TNS1: variants seen among roughly 807,000 people sequenced by gnomAD.
TNS1 encodes tensin 1, also known as tensin-1.
A neutral mutation model predicts 168.6 loss-of-function variants in TNS1; 62 were observed. The observed-to-expected ratio is 0.37, with a 90% CI of 0.30 to 0.45. The LOEUF is 0.45. TNS1 is among the 20% of genes least tolerant of loss of function. TNS1 has a pLI of 1.00. For missense variants in TNS1, 2,240 were observed against 2,339.4 expected (o/e 0.96, Z 0.88); for synonymous variants, 934 against 933.2 (o/e 1.00, Z -0.02).
chr2:218,014,555 GTCTA>G (rs1169566664), upstream of TNS1, among the ~76,000 whole-genome samples: 1 of 152,200 alleles, frequency 6.6e-6, no homozygotes, highest in Non-Finnish European at 1.5e-5. Context: ...CTCTGCAGGA[GTCTA>G]TCTAATATGG....
intron 4 of TNS1, among the ~76,000 whole-genome samples, chr2:217,918,078 G>A (rs957363033): frequency 1.3e-5 from 2 of 152,192 alleles, no homozygotes; most frequent in East Asian, 1.9e-4. Flanking sequence ...AACCTGTCAC[G>A]TAGGGCTGCT....
At chr2:217,809,068 A>G (rs536576779) in intron 30 of TNS1, among the ~76,000 whole-genome samples, 18 of 152,324 alleles carry the variant, frequency 1.2e-4, no homozygotes, top group Middle Eastern at 6.8e-3. Context: ...GCAAATTCTC[A>G]TAGAAGGATG....
intron 2 of TNS1, among the ~76,000 whole-genome samples, chr2:217,987,347 T>C (rs1338028266): frequency 1.3e-5 from 2 of 152,154 alleles, no homozygotes; most frequent in African/African-American, 2.4e-5. Flanking sequence ...GGAACCCCTT[T>C]GCCTGTACAT....
intron 3 of TNS1, among the ~76,000 whole-genome samples, chr2:217,940,346 C>T (rs769202139): frequency 4.6e-5 from 7 of 152,224 alleles, no homozygotes; most frequent in Non-Finnish European, 1.0e-4. Context: ...ACATATCGCT[C>T]AACTGGGCCT....
At chr2:217,837,587 T>C (rs1314996924) in intron 19 of TNS1, among the ~76,000 whole-genome samples, 1 of 152,214 alleles carries the variant, frequency 6.6e-6, no homozygotes, top group Non-Finnish European at 1.5e-5. Flanking sequence ...GCACATTAAA[T>C]GCAGAAGGTA....
chr2:217,850,680 G>T, intron 18 of TNS1: 1 of 907,274 alleles, frequency 1.1e-6, no homozygotes, highest in Non-Finnish European at 1.3e-6. Flanking sequence ...AAGGAAAAAA[G>T]CCAGCTCCCA....
At chr2:217,932,745 A>T (rs1956387102) in intron 3 of TNS1, among the ~76,000 whole-genome samples, 1 of 152,168 alleles carries the variant, frequency 6.6e-6, no homozygotes, top group Non-Finnish European at 1.5e-5. Context: ...ACACTGTACA[A>T]TGTGAGAACT....
chr2:217,966,453 C>A (rs1404440078), intron 3 of TNS1, among the ~76,000 whole-genome samples: 7 of 152,204 alleles, frequency 4.6e-5, no homozygotes, highest in Non-Finnish European at 2.9e-5. Flanking sequence ...AATCCATCCC[C>A]AGCGAAGCTG....
At chr2:217,807,622 C>A (rs1031514939) in intron 32 of TNS1, among the ~76,000 whole-genome samples, 1 of 152,166 alleles carries the variant, frequency 6.6e-6, no homozygotes, top group African/African-American at 2.4e-5. Context: ...GGTCCCAGGG[C>A]CATCCCCAGA....
At chr2:217,902,876 G>T (rs1350615524) in intron 6 of TNS1, among the ~76,000 whole-genome samples, 1 of 152,138 alleles carries the variant, frequency 6.6e-6, no homozygotes, top group Non-Finnish European at 1.5e-5. Context: ...CAAAGTTTGG[G>T]GGCACGTGAC....
intron 1 of TNS1, among the ~76,000 whole-genome samples, chr2:218,016,560 G>A (rs1226107160): frequency 1.3e-5 from 2 of 152,196 alleles, no homozygotes; most frequent in African/African-American, 4.8e-5. Context: ...GGACTCTCCA[G>A]TGCCCCACTC....
At chr2:217,963,422 A>G (rs1178236084) in intron 3 of TNS1, among the ~76,000 whole-genome samples, 1 of 151,880 alleles carries the variant, frequency 6.6e-6, no homozygotes, top group Non-Finnish European at 1.5e-5. Flanking sequence ...GCGTAAAAGC[A>G]CTCTCCATAC....
At chr2:217,937,043 C>G (rs1263548925) in intron 3 of TNS1, 1 of 456,460 alleles carries the variant, frequency 2.2e-6, no homozygotes, top group Non-Finnish European at 4.4e-6. Context: ...CTTTTCCTCC[C>G]CGCAAAACTC....
At chr2:217,978,515 C>T (rs1268077676) in intron 3 of TNS1, among the ~76,000 whole-genome samples, 1 of 151,950 alleles carries the variant, frequency 6.6e-6, no homozygotes, top group Non-Finnish European at 1.5e-5. Context: ...CCGGTAACCG[C>T]CCAGATTGCG....
intron 7 of TNS1, among the ~76,000 whole-genome samples, chr2:217,899,167 A>C (rs1952655926): frequency 6.6e-6 from 1 of 152,194 alleles, no homozygotes; most frequent in East Asian, 1.9e-4. Context: ...ATCCCAGTCC[A>C]GGTGGGGTGT....
At chr2:218,009,679 G>T (rs1958689055) in intron 1 of TNS1, among the ~76,000 whole-genome samples, 1 of 152,150 alleles carries the variant, frequency 6.6e-6, no homozygotes, top group South Asian at 2.1e-4. Context: ...GCCTTAACTC[G>T]GTGGCTTCTG....
chr2:217,990,538 C>T (rs958142059), intron 2 of TNS1, among the ~76,000 whole-genome samples: 6 of 151,928 alleles, frequency 3.9e-5, no homozygotes, highest in East Asian at 1.9e-4. Context: ...AGCCACACAT[C>T]GTCAACATGC....
chr2:217,835,558 G>T (rs959933387), intron 20 of TNS1, among the ~76,000 whole-genome samples: 2 of 152,312 alleles, frequency 1.3e-5, no homozygotes, highest in South Asian at 2.1e-4. Context: ...CTCCCCATTG[G>T]TTGTTACTCA....
At chr2:217,812,680 G>C (rs1052007597) in intron 27 of TNS1, among the ~76,000 whole-genome samples, 1 of 152,212 alleles carries the variant, frequency 6.6e-6, no homozygotes, top group Admixed American at 6.5e-5. Flanking sequence ...TTTGCAGAAA[G>C]TTCCTCCTAA....
Sources: allele counts gnomAD v4.1 joint callset (sites outside exome capture counted in the v4.1 genomes callset), GRCh38; gene constraint gnomAD v4.1.1; transcripts MANE v1.5; gene names NCBI Gene and HGNC (gene_info 2026-07-23, HGNC 2026-07-21).